Variants in RPS6KB2 observed in about 807,000 individuals in gnomAD.
RPS6KB2 encodes the protein ribosomal protein S6 kinase B2.
In RPS6KB2, 51 loss-of-function variants were observed where a neutral mutation model predicts 58.2. The observed-to-expected ratio is 0.88, with a 90% CI of 0.70 to 1.11. RPS6KB2 has a LOEUF of 1.11. RPS6KB2 is among the 50% of genes least tolerant of loss of function. The pLI, the probability that RPS6KB2 is intolerant of heterozygous loss-of-function variation, is 0.00. For synonymous variants in RPS6KB2, 293 were observed against 258.6 expected (o/e 1.13, Z -1.28); for missense variants, 671 against 655.8 (o/e 1.02, Z -0.25).
At position 67,434,388 on chromosome 11, in the gene RPS6KB2, G is replaced by A. The variant is rs1372966540; in HGVS notation, c.1059G>A (p.Glu353=). The A allele has an allele frequency of 6.2e-6, 10 of 1,613,214 alleles. No homozygotes were observed. The highest frequency in any genetic ancestry group is 8.5e-6 in the Non-Finnish European group (10 of 1,179,914). Residue 353 remains glutamate, a synonymous_variant, in exon 13 of 15, where the codon GAG becomes GAA. Coordinates refer to ENST00000312629, the MANE Select transcript of RPS6KB2 (RefSeq NM_003952.3). ...TGGTCGGCCCACAGCAGTCAGAGGAGGACGTGAGCCAGTTTGATACCCGCT... is the reference window on the plus strand; with the variant it reads ...TGGTCGGCCCACAGCAGTCAGAGGAAGACGTGAGCCAGTTTGATACCCGCT... ...PPFRPCLQSE[E]DVSQFDTRFT...
rs1373014356 is a variant in RPS6KB2, at chr11:67,433,333, C to T, written c.799-7C>T. ...ACAAGGCTCCTCTCACCTTCCTCCT[C>T]CTCCAGCCGCCCTTCACCGCAGAGA... is the stretch of plus-strand genomic sequence containing the variant. On this transcript the variant is annotated splice_region_variant and splice_polypyrimidine_tract_variant and intron_variant, in intron 9 of 14. Coordinates refer to ENST00000312629, the MANE Select transcript of RPS6KB2 (RefSeq NM_003952.3). 1.9e-6 allele frequency: 3 copies of T among 1,613,064 alleles called. No individual in the cohort carries two copies. Among genetic ancestry groups the T allele is most frequent in the Non-Finnish European group, 2.5e-6 (3 of 1,179,284 alleles).
intron 11 of RPS6KB2, 28 bp from the exon 12 acceptor site, chr11:67,434,170 G>A: frequency 1.9e-6 from 3 of 1,613,666 alleles, no homozygotes. Context: ...TGAGCTGTTA[G>A]TGGGTTTGGT....
Position 67,431,359 on chromosome 11 carries a change from T to C in RPS6KB2, c.310-9T>C. On this transcript the variant is annotated splice_polypyrimidine_tract_variant and intron_variant, in intron 4 of 14. Transcript: ENST00000312629. ...TGCCTCAGTTTCTAACCAATTCCTG[T>C]ATCTCCAGGCCAAAATTGTGCGCAA... 1 of 1,612,934 alleles carries C rather than the reference T, an allele frequency of 6.2e-7. No individual in the cohort carries two copies. The highest frequency in any genetic ancestry group is 1.7e-4 in the Middle Eastern group (1 of 6,058).
In RPS6KB2 at chr11:67,434,268, C is replaced by G; in HGVS notation, c.1040C>G (p.Pro347Arg). ...LAWRVDPPFR[P>R]CLQSEEDVSQ... ...TGGCGTGTGGACCCCCCTTTCAGGCCCTGTCTGGTGAGCAGCAGGGCTGGT... is the reference window on the plus strand; with the variant it reads ...TGGCGTGTGGACCCCCCTTTCAGGCGCTGTCTGGTGAGCAGCAGGGCTGGT... Residue 347 changes from proline to arginine, a missense_variant, in exon 12 of 15, where the codon CCC (proline) becomes CGC (arginine). By Grantham distance (103) the Pro-to-Arg change is moderately radical (BLOSUM62 -2). Coordinates refer to ENST00000312629, the MANE Select transcript of RPS6KB2 (RefSeq NM_003952.3). The G allele has an allele frequency of 6.2e-7, 1 of 1,613,536 alleles. No individual in the cohort carries two copies.
At chr11:67,433,085 G>T (rs532755327) in intron 8 of RPS6KB2, 41 bp from the exon 9 acceptor site, 26 of 1,611,094 alleles carry the variant, frequency 1.6e-5, no homozygotes, top group Non-Finnish European at 2.1e-5. Context: ...AGGACAGCCC[G>T]AAGGGGCACG....
In RPS6KB2 at chr11:67,434,268, C is replaced by T. The variant is rs765046567; in HGVS notation, c.1040C>T (p.Pro347Leu). ...LAWRVDPPFR[P>L]CLQSEEDVSQ... ...TGGCGTGTGGACCCCCCTTTCAGGCCCTGTCTGGTGAGCAGCAGGGCTGGT... is the reference window on the plus strand; with the variant it reads ...TGGCGTGTGGACCCCCCTTTCAGGCTCTGTCTGGTGAGCAGCAGGGCTGGT... Residue 347 changes from proline to leucine, a missense_variant, in exon 12 of 15, where the codon CCC (proline) becomes CTC (leucine). Pro to Leu is a moderately conservative substitution (Grantham distance 98). Coordinates refer to ENST00000312629, the MANE Select transcript of RPS6KB2 (RefSeq NM_003952.3). The T allele has an allele frequency of 5.0e-6, 8 of 1,613,418 alleles. No homozygotes were observed. The East Asian group carries it at 1.3e-4, about 27-fold the overall frequency.
At chr11:67,431,154 T>C in intron 4 of RPS6KB2, 1 of 380,960 alleles carries the variant, frequency 2.6e-6, no homozygotes, top group Non-Finnish European at 4.8e-6. Flanking sequence ...TGCCTCAGCC[T>C]CCTGAGCTGG....
rs769697356 is a variant in RPS6KB2, at chr11:67,432,590, T to C, written c.458-10T>C. 30 of 1,614,112 alleles carry C rather than the reference T, an allele frequency of 1.9e-5. No homozygotes were observed. Among genetic ancestry groups the C allele is most frequent in the Non-Finnish European group, 2.4e-5 (28 of 1,179,998 alleles). On this transcript the variant is annotated splice_polypyrimidine_tract_variant and intron_variant, in intron 5 of 14. Coordinates refer to ENST00000312629, the MANE Select transcript of RPS6KB2 (RefSeq NM_003952.3). ...CCCAGCACGTGGCTGCTGACGTGTT[T>C]GTGTGGCAGGTGGCGAGCTCTTCAC...
At chr11:67,432,708 C>G in intron 6 of RPS6KB2, 29 bp from the exon 7 acceptor site, 2 of 1,613,910 alleles carry the variant, frequency 1.2e-6, no homozygotes, top group Non-Finnish European at 1.7e-6. Flanking sequence ...CTGCTCTACT[C>G]CCGCCTTCAC....
At position 67,433,117 on chromosome 11, in the gene RPS6KB2, G is replaced by T; in HGVS notation, c.708-9G>T. 1 of 1,605,884 alleles carries T rather than the reference G, an allele frequency of 6.2e-7. No individual in the cohort carries two copies. On this transcript the variant is annotated splice_polypyrimidine_tract_variant and intron_variant, in intron 8 of 14. Transcript: ENST00000312629. ...CACGGCCTGACTGACAGTTCCACCT[G>T]GACCCCAGGGCCCCTGAGATTCTGG...
chr11:67,431,556 G>C lies in RPS6KB2; in HGVS notation c.457+41G>C, dbSNP rs570128593. On this transcript the variant is annotated intron_variant, in intron 5 of 14. Coordinates refer to ENST00000312629, the MANE Select transcript of RPS6KB2 (RefSeq NM_003952.3). ...CAGGCAGGGGTGCTGGGGGTCGCGGGGGGGCAGCGAGCCAGCAAAGGAAGC... is the reference window on the plus strand; with the variant it reads ...CAGGCAGGGGTGCTGGGGGTCGCGGCGGGGCAGCGAGCCAGCAAAGGAAGC... The C allele has an allele frequency of 3.8e-6, 6 of 1,599,298 alleles. No homozygotes were observed. The Admixed American group carries it at 5.0e-5, about 13-fold the overall frequency.
chr11:67,430,795 C>G (rs1469940634), intron 4 of RPS6KB2: 1 of 152,282 alleles, frequency 6.6e-6, no homozygotes, highest in Non-Finnish European at 1.5e-5. Flanking sequence ...TGGGTGGAGA[C>G]CAGGGATGCT....
intron 10 of RPS6KB2, among the ~76,000 whole-genome samples, chr11:67,433,674 C>G (rs944949120): frequency 6.6e-6 from 1 of 152,222 alleles, no homozygotes; most frequent in Admixed American, 6.5e-5. Flanking sequence ...ACCAGTGACA[C>G]GCTTGTGATG....
chr11:67,428,532 G>A lies in RPS6KB2; in HGVS notation c.-14G>A. 6.2e-7 allele frequency: 1 copy of A among 1,601,604 alleles called. No homozygotes were observed. The highest frequency in any genetic ancestry group is 2.2e-5 in the East Asian group (1 of 44,474). ...CCAGGTACGGGCCGACGGGCCCGCG[G>A]GGCCGGCGCCGCCATGGCGGCCGTG... On this transcript the variant is annotated 5_prime_UTR_variant, in exon 1 of 15. Transcript: ENST00000312629.
chr11:67,429,171 T>C lies in RPS6KB2; in HGVS notation c.171T>C (p.Val57=), dbSNP rs748874235. The part of the protein sequence containing the change: ...EVELTETSVN[V]GPERIGPHCF... ...AGCTGACTGAGACCAGCGTGAACGT[T>C]GGCCCAGAGCGCATCGGGCCCCACT... Residue 57 remains valine (V), a synonymous_variant, in exon 3 of 15, where the codon GTT becomes GTC. Transcript: ENST00000312629. The C allele has an allele frequency of 2.1e-5, 34 of 1,613,770 alleles. No individual in the cohort carries two copies. Among genetic ancestry groups the C allele is most frequent in the Non-Finnish European group, 2.8e-5 (33 of 1,180,040 alleles).
chr11:67,434,960 C>A, intron 14 of RPS6KB2, 29 bp from the exon 15 acceptor site: 1 of 1,607,424 alleles, frequency 6.2e-7, no homozygotes, highest in Non-Finnish European at 8.5e-7. Flanking sequence ...GCCTAGGAGG[C>A]TCTTATTCTG....
intron 4 of RPS6KB2, chr11:67,430,865 G>A (rs1490206813): frequency 6.5e-6 from 1 of 152,908 alleles, no homozygotes; most frequent in Admixed American, 6.5e-5. Context: ...CTGGTCCCAG[G>A]TGTCAGTAGT....
At chr11:67,429,360 A>G in intron 3 of RPS6KB2, 120 bp downstream of exon 3, 7 of 1,476,490 alleles carry the variant, frequency 4.7e-6, no homozygotes, top group Non-Finnish European at 6.5e-6. Flanking sequence ...AGAGCCAGAA[A>G]CATAAAGGAG....
rs375771224 is a variant in RPS6KB2 at position 67,433,016 on chromosome 11, C to T, written c.681C>T (p.His227=). ...KESIHEGAVT[H]TFCGTIEYMA... ...CTATCCATGAGGGCGCCGTCACTCACACCTTCTGCGGCACCATTGAGTACA... is the reference window on the plus strand; with the variant it reads ...CTATCCATGAGGGCGCCGTCACTCATACCTTCTGCGGCACCATTGAGTACA... Residue 227 remains histidine (H), a synonymous_variant, in exon 8 of 15, where the codon CAC becomes CAT. Coordinates refer to ENST00000312629, the MANE Select transcript of RPS6KB2 (RefSeq NM_003952.3). 5.0e-6 allele frequency: 8 copies of T among 1,613,454 alleles called. No homozygotes were observed. The highest frequency in any genetic ancestry group is 1.6e-4 in the Middle Eastern group (1 of 6,062).
Sources: gnomAD v4.1 joint callset for allele counts (sites outside exome capture counted in the v4.1 genomes callset) on GRCh38, gnomAD v4.1.1 for gene constraint, MANE v1.5 for transcripts, NCBI Gene and HGNC (gene_info 2026-07-23, HGNC 2026-07-21) for gene names.